CSMD1: variants seen among roughly 807,000 people sequenced by gnomAD.
The protein encoded by CSMD1 is CUB and Sushi multiple domains 1, also known as CUB and sushi domain-containing protein 1.
A neutral mutation model predicts 417.5 loss-of-function variants in CSMD1; 213 were observed. The ratio of observed to expected loss-of-function variants is 0.51; its 90% CI spans 0.46 to 0.57. CSMD1 has a LOEUF of 0.57. Ranked by LOEUF, CSMD1 falls within the 20% of genes least tolerant of loss-of-function variation. The pLI, the probability that CSMD1 is intolerant of heterozygous loss-of-function variation, is 0.00. For synonymous variants in CSMD1, 2,862 were observed against 1,736.8 expected (o/e 1.65, Z -16.11); for missense variants, 6,923 against 4,529.7 (o/e 1.53, Z -15.17).
chr8:3,670,983 GTA>G (rs145264508), intron 7 of CSMD1, among the ~76,000 whole-genome samples: 34,969 of 107,012 alleles, frequency 0.33, 7,556 homozygotes, highest in Admixed American at 0.4. Flanking sequence ...GGATATATAT[GTA>G]TATGGGATAT....
chr8:4,156,105 A>G (rs952249706), intron 3 of CSMD1, among the ~76,000 whole-genome samples: 2 of 152,088 alleles, frequency 1.3e-5, no homozygotes, highest in African/African-American at 2.4e-5. Context: ...GAGCATAATA[A>G]TCATCCGATC....
intron 3 of CSMD1, among the ~76,000 whole-genome samples, chr8:4,275,174 G>C (rs1056276630): frequency 2.0e-5 from 3 of 152,008 alleles, no homozygotes; most frequent in African/African-American, 7.2e-5. Flanking sequence ...ACATTTTCTG[G>C]GGTTTTTTCT....
chr8:4,361,585 C>T (rs897839940), intron 3 of CSMD1, among the ~76,000 whole-genome samples: 5 of 152,166 alleles, frequency 3.3e-5, no homozygotes, highest in African/African-American at 1.2e-4. Context: ...CTCTGTGAAA[C>T]GCAGTTGCCC....
chr8:3,997,333 C>G (rs548922316), intron 5 of CSMD1, among the ~76,000 whole-genome samples: 1 of 152,276 alleles, frequency 6.6e-6, no homozygotes, highest in Non-Finnish European at 1.5e-5. Context: ...TCCTTTGTCT[C>G]TACTGGGGTA....
At chr8:4,461,062 G>C (rs1039920622) in intron 2 of CSMD1, among the ~76,000 whole-genome samples, 11 of 152,054 alleles carry the variant, frequency 7.2e-5, no homozygotes, top group Admixed American at 1.3e-4. Context: ...ATTATATACT[G>C]TGTCCAAGTG....
chr8:4,341,120 T>C (rs1800453151), intron 3 of CSMD1, among the ~76,000 whole-genome samples: 1 of 152,106 alleles, frequency 6.6e-6, no homozygotes, highest in South Asian at 2.1e-4. Context: ...CAATACATCG[T>C]TGCCTAGGTA....
At position 4,386,822 on chromosome 8, in the gene CSMD1, A is replaced by C. The variant is rs935106660; in HGVS notation, c.415+33131T>G. ...AAAATATTCTGGGCTCTTGGGATTA[A>C]TGTAAAGCGGAAATAAGACCACAGC... On this transcript the variant is annotated intron_variant, in intron 3 of 69. Coordinates refer to ENST00000635120, the MANE Select transcript of CSMD1 (RefSeq NM_033225.6). Among the ~76,000 whole-genome samples, 3 of 152,250 alleles carry C rather than the reference A, an allele frequency of 2.0e-5. No individual in the cohort carries two copies. The East Asian group carries it at 5.8e-4, about 29-fold the overall frequency.
intron 2 of CSMD1, among the ~76,000 whole-genome samples, chr8:4,583,424 G>C (rs1044344993): frequency 6.6e-6 from 1 of 152,180 alleles, no homozygotes; most frequent in African/African-American, 2.4e-5. Flanking sequence ...CTCAGGGTTT[G>C]TGAGTGCACC....
At chr8:4,695,787 T>C (rs1807088343) in intron 1 of CSMD1, among the ~76,000 whole-genome samples, 2 of 152,240 alleles carry the variant, frequency 1.3e-5, no homozygotes, top group Admixed American at 6.5e-5. Flanking sequence ...TATAGTATCA[T>C]ACAGCCTCTA....
At chr8:4,070,407 G>C (rs963184089) in intron 3 of CSMD1, among the ~76,000 whole-genome samples, 3 of 152,108 alleles carry the variant, frequency 2.0e-5, no homozygotes, top group South Asian at 2.1e-4. Flanking sequence ...GCCCAGGCTG[G>C]AGTGCAGTGG....
chr8:4,228,993 C>T (rs1044813472), intron 3 of CSMD1, among the ~76,000 whole-genome samples: 1 of 152,098 alleles, frequency 6.6e-6, no homozygotes, highest in African/African-American at 2.4e-5. Flanking sequence ...AAGCGCGAAC[C>T]TGGACTTTTC....
chr8:3,100,978 G>A (rs990654986), intron 46 of CSMD1, among the ~76,000 whole-genome samples: 4 of 151,732 alleles, frequency 2.6e-5, no homozygotes, highest in African/African-American at 9.7e-5. Context: ...TTTTTATGTC[G>A]CCTCCATCTG....
intron 2 of CSMD1, among the ~76,000 whole-genome samples, chr8:4,487,341 G>A (rs1288037159): frequency 6.6e-6 from 1 of 152,062 alleles, no homozygotes. Context: ...ACAGTCCCCA[G>A]AGTGTGATGT....
At chr8:3,444,741 A>G (rs906078692) in intron 12 of CSMD1, among the ~76,000 whole-genome samples, 1 of 152,242 alleles carries the variant, frequency 6.6e-6, no homozygotes, top group African/African-American at 2.4e-5. Context: ...GTAATGTAAT[A>G]AACTGAAAAG....
chr8:4,241,101 C>A (rs1802372347), intron 3 of CSMD1, among the ~76,000 whole-genome samples: 1 of 152,102 alleles, frequency 6.6e-6, no homozygotes, highest in African/African-American at 2.4e-5. Flanking sequence ...ACATAGAATC[C>A]TCTAAACCTG....
intron 5 of CSMD1, among the ~76,000 whole-genome samples, chr8:3,839,629 G>A (rs1400166808): frequency 7.2e-6 from 1 of 139,162 alleles, no homozygotes; most frequent in Non-Finnish European, 1.5e-5. Context: ...TCCAGCCTGG[G>A]CAACAAGAGT....
intron 1 of CSMD1, among the ~76,000 whole-genome samples, chr8:4,668,524 A>ACTG (rs1805094436): frequency 6.6e-6 from 1 of 150,816 alleles, no homozygotes. Context: ...ATCTCAGCTC[A>ACTG]CTGCAAGCTC....
Position 3,595,984 on chromosome 8 carries a change from C to T in CSMD1, c.1098-9724G>A, listed in dbSNP as rs371801661. Among the ~76,000 whole-genome samples, 59 of 152,284 alleles carry T rather than the reference C, an allele frequency of 3.9e-4. 1 individual carries two copies. The South Asian group carries it at 0.012, about 31-fold the overall frequency. On this transcript the variant is annotated intron_variant, in intron 8 of 69. Transcript: ENST00000635120. ...TCTCCCTGAGATCCAAGGTGAAAGC[C>T]CCTTTGCCTCCTTCCTGACAATTTA...
chr8:3,896,356 C>T (rs934602476), intron 5 of CSMD1, among the ~76,000 whole-genome samples: 6 of 152,106 alleles, frequency 3.9e-5, no homozygotes, highest in East Asian at 1.9e-4. Context: ...ATTAGCAAAA[C>T]ATTAAGACTA....
Sources: gnomAD v4.1 joint callset for allele counts (sites outside exome capture counted in the v4.1 genomes callset) on GRCh38, gnomAD v4.1.1 for gene constraint, MANE v1.5 for transcripts, NCBI Gene and HGNC (gene_info 2026-07-23, HGNC 2026-07-21) for gene names.